Variants in PRSS27 observed in about 807,000 individuals in gnomAD.
PRSS27 encodes the protein serine protease 27.
PRSS27 carries 25 observed loss-of-function variants against 32.0 expected under a neutral mutation model. The observed-to-expected ratio is 0.78, with a 90% CI of 0.57 to 1.09. The LOEUF is 1.09. Ranked by LOEUF, PRSS27 falls within the 50% of genes least tolerant of loss-of-function variation. PRSS27 has a pLI of 0.00. For missense variants in PRSS27, 401 were observed against 394.9 expected, an observed-to-expected ratio of 1.02 and a Z score of -0.13; for synonymous variants, 178 against 172.2, an observed-to-expected ratio of 1.03 and a Z score of -0.26.
chr16:2,714,384 G>T lies in PRSS27; in HGVS notation c.237-48C>A. 1 of 1,597,662 alleles carries T rather than the reference G, an allele frequency of 6.3e-7. No individual in the cohort carries two copies. The highest frequency in any genetic ancestry group is 2.2e-5 in the East Asian group (1 of 44,640). ...GGCGTGAGGCGGCCCCTCGTGTGGG[G>T]ACAGGCCCGGGAGGGGCTGGGGCTC... On this transcript the variant is annotated intron_variant, in intron 3 of 5. Transcript: ENST00000302641. This position sits in a 1 kb window ranked among gnomAD's most constrained non-coding sequence, Gnocchi z 4.7.
Position 2,715,746 on chromosome 16 carries a change from C to G in PRSS27, c.208G>C (p.Val70Leu). The G allele has an allele frequency of 6.4e-7, 1 of 1,571,212 alleles. No homozygotes were observed. Among genetic ancestry groups the G allele is most frequent in the Middle Eastern group, 2.2e-4 (1 of 4,598 alleles). The change falls in exon 3 of 6, where the codon GTC becomes CTC. Residue 70 changes from valine (V) to leucine (L), a missense_variant. Val to Leu is a conservative substitution (Grantham distance 32, BLOSUM62 1). Coordinates refer to ENST00000302641, the MANE Select transcript of PRSS27 (RefSeq NM_031948.5). Reference protein sequence around the residue: ...CGGSLIAEQWVLTAAHCFRNT... With the variant: ...CGGSLIAEQWLLTAAHCFRNT... ...CGGAAGCAGTGCGCAGCCGTCAGGA[C>G]CCACTGCTCCGCGATGAGGCTGCCC...
Position 2,712,758 on chromosome 16 carries a change from C to A in PRSS27, c.735G>T (p.Gly245=). ...CLVGQSWLQA[G]VISWGEGCAR... ...CACAGCCCTCACCCCAGCTGATCACCCCCGCCTGCAGCCACGACTGACCCA... is the reference window on the plus strand; with the variant it reads ...CACAGCCCTCACCCCAGCTGATCACACCCGCCTGCAGCCACGACTGACCCA... The change falls in exon 6 of 6, where the codon GGG becomes GGT. Residue 245 remains glycine, a synonymous_variant. Transcript: ENST00000302641. The surrounding 1 kb of genome is among the most constrained non-coding windows in gnomAD (Gnocchi z 4.6). 6.3e-7 allele frequency: 1 copy of A among 1,591,008 alleles called. No individual in the cohort carries two copies. Among genetic ancestry groups the A allele is most frequent in the Non-Finnish European group, 8.6e-7 (1 of 1,168,344 alleles).
intron 3 of PRSS27, chr16:2,715,517 G>A (rs919591009): frequency 9.8e-6 from 5 of 512,166 alleles, no homozygotes; most frequent in African/African-American, 4.1e-5. Flanking sequence ...CACCTCCCGC[G>A]GGCGGGAGCA....
chr16:2,720,072 G>T (rs1467630006), intron 1 of PRSS27, 43 bp downstream of exon 1: 2 of 1,552,672 alleles, frequency 1.3e-6, no homozygotes, highest in East Asian at 4.7e-5. Flanking sequence ...GCGGAGCCTG[G>T]TGGGGGACTG....
Position 2,717,577 on chromosome 16 carries a change from A to T in PRSS27, c.47-1051T>A, listed in dbSNP as rs2067710025. 6.6e-6 allele frequency: 1 copy of T among 152,452 alleles called. No homozygotes were observed. Among genetic ancestry groups the T allele is most frequent in the Non-Finnish European group, 1.5e-5 (1 of 68,300 alleles). The allele number at this position is 152,452 out of a possible 1,614,324, so 9.4% of individuals were successfully genotyped here. ...TTAGAACAGCCACCTCCCCACACCT[A>T]GGCCCTCAGCTTCCCCTTAACCCCC... is the stretch of plus-strand genomic sequence containing the variant. On this transcript the variant is annotated intron_variant, in intron 1 of 5. Transcript: ENST00000302641. This position sits in a 1 kb window ranked among gnomAD's most constrained non-coding sequence, Gnocchi z 4.1.
In PRSS27 at chr16:2,712,585, G is replaced by A. The variant is rs2067668472; in HGVS notation, c.*35C>T. Reference sequence around the variant, plus strand: ...GGTGTGGGCGGGCAGGCTGGGTGCAGAGCTCTGCTCAAGGGGCTCCTGGCC... The same window carrying A: ...GGTGTGGGCGGGCAGGCTGGGTGCAAAGCTCTGCTCAAGGGGCTCCTGGCC... On this transcript the variant is annotated 3_prime_UTR_variant, in exon 6 of 6. Transcript: ENST00000302641. This position sits in a 1 kb window ranked among gnomAD's most constrained non-coding sequence, Gnocchi z 4.6. 6.5e-7 allele frequency: 1 copy of A among 1,546,336 alleles called. No homozygotes were observed. The highest frequency in any genetic ancestry group is 8.7e-7 in the Non-Finnish European group (1 of 1,143,118).
At chr16:2,713,145 C>T in intron 5 of PRSS27, 1 of 469,980 alleles carries the variant, frequency 2.1e-6, no homozygotes. Flanking sequence ...GTGGCCCAGG[C>T]TGGAGTGCAC....
In PRSS27 at chr16:2,714,204, A is replaced by C; in HGVS notation, c.369T>G (p.Ala123=). The C allele has an allele frequency of 6.2e-7, 1 of 1,614,034 alleles. No homozygotes were observed. Among genetic ancestry groups the C allele is most frequent in the Non-Finnish European group, 8.5e-7 (1 of 1,180,020 alleles). ...NPLYQGTASS[A]DVALVELEAP... The stretch of plus-strand genomic sequence containing the variant: ...CCTCCAGCTCCACCAGGGCCACGTC[A>C]GCGCTGGAGGCCGTGCCCTGGTACA... The change falls in exon 4 of 6, where the codon GCT becomes GCG. Residue 123 remains alanine, a synonymous_variant. Coordinates refer to ENST00000302641, the MANE Select transcript of PRSS27 (RefSeq NM_031948.5). The surrounding 1 kb of genome is among the most constrained non-coding windows in gnomAD (Gnocchi z 4.7).
intron 3 of PRSS27, chr16:2,715,469 GGT>G: frequency 2.1e-6 from 1 of 484,730 alleles, no homozygotes; most frequent in South Asian, 2.8e-5. Flanking sequence ...TGGGTGAGTG[GGT>G]GGAGGGGATG....
intron 1 of PRSS27, 115 bp from the exon 2 acceptor site, chr16:2,716,641 G>T: frequency 9.6e-7 from 1 of 1,036,684 alleles, no homozygotes; most frequent in Non-Finnish European, 1.4e-6. Context: ...CAGAGGGACA[G>T]TCCACAGAGG....
rs574575079 is a variant in PRSS27 at position 2,717,446 on chromosome 16, G to T, written c.47-920C>A. ...CAGGACCATAGTGTACAGCCCCAGG[G>T]TAGCAAAGCCTGGAACTTCCTGGCC... On this transcript the variant is annotated intron_variant, in intron 1 of 5. Transcript: ENST00000302641. This position sits in a 1 kb window ranked among gnomAD's most constrained non-coding sequence, Gnocchi z 4.1. The T allele has an allele frequency of 4.6e-5, 7 of 152,376 alleles. No homozygotes were observed. The highest frequency in any genetic ancestry group is 1.4e-4 in the African/African-American group (6 of 41,522). The allele number at this position is 152,376 out of a possible 1,614,324, so 9.4% of individuals were successfully genotyped here.
In PRSS27 at chr16:2,714,796, C is replaced by T; in HGVS notation, c.237-460G>A. ...TTCTGTCACCCAGGCTGGAGTGCAG[C>T]AGTGCAACTGTAGCTCACTGCAGCC... On this transcript the variant is annotated intron_variant, in intron 3 of 5. Transcript: ENST00000302641. This position sits in a 1 kb window ranked among gnomAD's most constrained non-coding sequence, Gnocchi z 4.7. The T allele has an allele frequency of 4.9e-6, 1 of 203,618 alleles. No homozygotes were observed. Among genetic ancestry groups the T allele is most frequent in the Non-Finnish European group, 1.0e-5 (1 of 99,390 alleles). The allele number at this position is 203,618 out of a possible 1,614,324, so 12.6% of individuals were successfully genotyped here. A position where few individuals can be genotyped will look rare whatever the true frequency, so the allele number is the denominator to read the frequency against.
In PRSS27 at chr16:2,717,282, T is replaced by C. The variant is rs2067708019; in HGVS notation, c.47-756A>G. ...TGAGGGGCCCGGAAGAGAAGCAAGA[T>C]ATGGGGTCGTTCGGGGGAACCAAGG... On this transcript the variant is annotated intron_variant, in intron 1 of 5. Coordinates refer to ENST00000302641, the MANE Select transcript of PRSS27 (RefSeq NM_031948.5). This position sits in a 1 kb window ranked among gnomAD's most constrained non-coding sequence, Gnocchi z 4.1. 1 of 152,302 alleles carries C rather than the reference T, an allele frequency of 6.6e-6. No homozygotes were observed. The highest frequency in any genetic ancestry group is 1.5e-5 in the Non-Finnish European group (1 of 68,178). The allele number at this position is 152,302 out of a possible 1,614,324, so 9.4% of individuals were successfully genotyped here.
rs763253438 is a variant in PRSS27, at chr16:2,712,612, CG to C, written c.*7del. The C allele has an allele frequency of 1.8e-5, 29 of 1,571,798 alleles. No individual in the cohort carries two copies. Among genetic ancestry groups the C allele is most frequent in the Non-Finnish European group, 2.2e-5 (26 of 1,158,298 alleles). On this transcript the variant is annotated 3_prime_UTR_variant, in exon 6 of 6. Coordinates refer to ENST00000302641, the MANE Select transcript of PRSS27 (RefSeq NM_031948.5). The surrounding 1 kb of genome is among the most constrained non-coding windows in gnomAD (Gnocchi z 4.6). ...GCTCTGCTCAAGGGGCTCCTGGCCC[CG>C]GGGGTCTCACTTCTGGCCGCCCAAC...
Position 2,720,143 on chromosome 16 carries a change from C to G in PRSS27, c.18G>C (p.Ala6=). 1.3e-6 allele frequency: 2 copies of G among 1,598,738 alleles called. No homozygotes were observed. The highest frequency in any genetic ancestry group is 1.7e-6 in the Non-Finnish European group (2 of 1,173,472). The change falls in exon 1 of 6, where the codon GCG becomes GCC. Residue 6 remains alanine (A), a synonymous_variant. Coordinates refer to ENST00000302641, the MANE Select transcript of PRSS27 (RefSeq NM_031948.5). The part of the protein sequence containing the change: MRRPA[A]VPLLLLLCFG... ...AACACAGCAGCAGCAGGAGCGGCAC[C>G]GCCGCCGGCCGCCTCATGTCCTCAG...
chr16:2,715,495 G>A (rs1340073735), intron 3 of PRSS27: 3 of 505,340 alleles, frequency 5.9e-6, no homozygotes, highest in Admixed American at 4.0e-5. Context: ...GGGGTCGGGG[G>A]GCGGTGCGAG....
chr16:2,718,315 CTT>C (rs869140922), intron 1 of PRSS27: 38 of 130,322 alleles, frequency 2.9e-4, no homozygotes, highest in Non-Finnish European at 2.1e-4. Flanking sequence ...AAGTCCTAGT[CTT>C]TTTTTTTTTT....
At chr16:2,715,660 C>A in intron 3 of PRSS27, 58 bp downstream of exon 3, 3 of 1,444,100 alleles carry the variant, frequency 2.1e-6, no homozygotes, top group Non-Finnish European at 2.8e-6. Flanking sequence ...GGTGCTGAAC[C>A]GGTCGCGCGC....
chr16:2,714,045 T>C lies in PRSS27; in HGVS notation c.508+20A>G. ...TTCTTGAGGCATATCCCCCATTCTT[T>C]CCCAGCCCTGTCCCCTTACCTTCCT... On this transcript the variant is annotated intron_variant, in intron 4 of 5. Transcript: ENST00000302641. This position sits in a 1 kb window ranked among gnomAD's most constrained non-coding sequence, Gnocchi z 4.7. The C allele has an allele frequency of 5.0e-6, 8 of 1,587,152 alleles. No individual in the cohort carries two copies. The highest frequency in any genetic ancestry group is 1.1e-5 in the South Asian group (1 of 87,050).
Sources: allele counts gnomAD v4.1 joint callset, GRCh38; gene constraint gnomAD v4.1.1; non-coding constraint Gnocchi (gnomAD v3.1); transcripts MANE v1.5; gene names NCBI Gene and HGNC (gene_info 2026-07-23, HGNC 2026-07-21).